Variants in CNTNAP2 observed in about 807,000 individuals in gnomAD.
CNTNAP2 encodes the protein contactin-associated protein-like 2.
CNTNAP2 carries 98 observed loss-of-function variants against 155.2 expected under a neutral mutation model. The observed-to-expected ratio is 0.63, with a 90% CI of 0.54 to 0.75. The LOEUF (loss-of-function observed/expected upper bound fraction) is 0.75. Ranked by LOEUF, CNTNAP2 falls within the 30% of genes least tolerant of loss-of-function variation. The probability of loss-of-function intolerance (pLI) is 0.00; values close to 1 mark genes in which losing one functional copy is unlikely to be tolerated. For missense variants in CNTNAP2, 1,727 were observed against 1,688.1 expected (o/e 1.02, Z -0.40); for synonymous variants, 651 against 631.2 (o/e 1.03, Z -0.47).
intron 1 of CNTNAP2, among the ~76,000 whole-genome samples, chr7:146,518,502 A>G (rs1797572562): frequency 6.6e-6 from 1 of 151,824 alleles, no homozygotes; most frequent in Admixed American, 6.6e-5. Flanking sequence ...ATCCTGAGTC[A>G]CCTAAATCTT....
At position 148,249,448 on chromosome 7, in the gene CNTNAP2, C is replaced by T. The variant is rs541907135; in HGVS notation, c.3382-17585C>T. Among the ~76,000 whole-genome samples, 276 of 152,312 alleles carry T rather than the reference C, an allele frequency of 1.8e-3. 1 individual carries two copies. The highest frequency in any genetic ancestry group is 1.7e-3 in the Non-Finnish European group (114 of 68,034). ...AGTGCTTTACCATTTGTATTCACTC[C>T]TGTGATGATCTCATCCAATGTCGTG... On this transcript the variant is annotated intron_variant, in intron 20 of 23. Coordinates refer to ENST00000361727, the MANE Select transcript of CNTNAP2 (RefSeq NM_014141.6).
chr7:148,272,997 C>T (rs182725341), intron 21 of CNTNAP2, among the ~76,000 whole-genome samples: 87 of 152,320 alleles, frequency 5.7e-4, no homozygotes, highest in African/African-American at 2.0e-3. Flanking sequence ...CTCAGCAAGA[C>T]TGACATGGAC....
intron 1 of CNTNAP2, among the ~76,000 whole-genome samples, chr7:146,450,274 T>G (rs888264311): frequency 6.6e-6 from 1 of 152,192 alleles, no homozygotes; most frequent in Non-Finnish European, 1.5e-5. Flanking sequence ...TTATAGCAGT[T>G]TCAGTTATCT....
chr7:148,178,619 T>G (rs755266047), intron 18 of CNTNAP2, among the ~76,000 whole-genome samples: 23 of 152,220 alleles, frequency 1.5e-4, no homozygotes, highest in African/African-American at 4.8e-4. Context: ...GAATTAGATG[T>G]CAGTTTGAAT....
At chr7:147,492,732 G>A (rs557498492) in intron 11 of CNTNAP2, among the ~76,000 whole-genome samples, 99 of 152,234 alleles carry the variant, frequency 6.5e-4, no homozygotes, top group African/African-American at 2.2e-3. Context: ...CACGCTTGCT[G>A]CATTAAGTGT....
At chr7:146,994,014 T>C (rs1268756824) in intron 3 of CNTNAP2, among the ~76,000 whole-genome samples, 2 of 152,180 alleles carry the variant, frequency 1.3e-5, no homozygotes, top group African/African-American at 2.4e-5. Flanking sequence ...TTTCTATTGC[T>C]AATCAGGAGT....
In CNTNAP2 at chr7:147,121,197, G is replaced by A. The variant is rs752851350; in HGVS notation, c.939+34G>A. ...GATGACGTAGAAATTGTAATAAAATGTCAAGCAATTGTGTCACTCTCCTAC... is the reference window on the plus strand; with the variant it reads ...GATGACGTAGAAATTGTAATAAAATATCAAGCAATTGTGTCACTCTCCTAC... On this transcript the variant is annotated intron_variant, in intron 6 of 23. Transcript: ENST00000361727. The A allele has an allele frequency of 1.1e-5, 17 of 1,601,246 alleles. No homozygotes were observed. The Admixed American group carries it at 2.8e-4, about 27-fold the overall frequency.
chr7:146,418,084 T>G (rs1795962543), intron 1 of CNTNAP2, among the ~76,000 whole-genome samples: 1 of 152,198 alleles, frequency 6.6e-6, no homozygotes, highest in Non-Finnish European at 1.5e-5. Context: ...GGTCCCATTT[T>G]TCACTGTCAT....
chr7:148,227,985 G>A (rs575069230), intron 19 of CNTNAP2, among the ~76,000 whole-genome samples: 135 of 151,722 alleles, frequency 8.9e-4, no homozygotes, highest in African/African-American at 3.0e-3. Context: ...TTATCTTTGG[G>A]TGGTGGGATT....
chr7:146,215,432 T>G (rs1799097819), intron 1 of CNTNAP2, among the ~76,000 whole-genome samples: 1 of 152,148 alleles, frequency 6.6e-6, no homozygotes, highest in Admixed American at 6.6e-5. Context: ...TTATCAGGGT[T>G]AGCTCAAGGA....
In CNTNAP2 at chr7:148,217,513, T is replaced by C; in HGVS notation, c.3236T>C (p.Val1079Ala). 6.2e-7 allele frequency: 1 copy of C among 1,614,196 alleles called. No individual in the cohort carries two copies. The change falls in exon 19 of 24, where the codon GTC becomes GCC. Residue 1079 changes from valine to alanine, a missense_variant. Transcript: ENST00000361727. ...ACCACAGACTTCTTGGCAGTCCTCG[T>C]CAAACCCACTGGTAAGGACAAGGAT... The part of the protein sequence containing the change: ...SFTTDFLAVL[V>A]KPTGSLQIRY...
At chr7:147,191,421 G>C (rs890733770) in intron 8 of CNTNAP2, among the ~76,000 whole-genome samples, 1 of 152,162 alleles carries the variant, frequency 6.6e-6, no homozygotes, top group Non-Finnish European at 1.5e-5. Context: ...AAAACGCAAA[G>C]TTCATGGGCT....
At chr7:147,775,727 TCA>T (rs1797574431) in intron 13 of CNTNAP2, among the ~76,000 whole-genome samples, 2 of 151,932 alleles carry the variant, frequency 1.3e-5, no homozygotes, top group African/African-American at 4.8e-5. Flanking sequence ...AGTGTGCAAA[TCA>T]CAGAGATCTC....
At chr7:147,040,938 C>G (rs567389879) in intron 3 of CNTNAP2, among the ~76,000 whole-genome samples, 1 of 152,252 alleles carries the variant, frequency 6.6e-6, no homozygotes, top group South Asian at 2.1e-4. Context: ...ATCTTCTACT[C>G]CCTTCTTTCA....
intron 13 of CNTNAP2, among the ~76,000 whole-genome samples, chr7:147,891,716 T>C (rs1037240588): frequency 2.0e-5 from 3 of 152,030 alleles, no homozygotes; most frequent in African/African-American, 7.2e-5. Context: ...TATAAACTTA[T>C]AGAAATGGAT....
At chr7:148,172,518 T>C in intron 18 of CNTNAP2, 40 bp downstream of exon 18, 1 of 1,518,480 alleles carries the variant, frequency 6.6e-7, no homozygotes, top group Non-Finnish European at 9.1e-7. Context: ...TTTGCGTGTC[T>C]TTTTAAGCCC....
chr7:147,314,025 A>G (rs1013514506), intron 9 of CNTNAP2, among the ~76,000 whole-genome samples: 6 of 152,110 alleles, frequency 3.9e-5, no homozygotes, highest in Admixed American at 3.3e-4. Flanking sequence ...GTTTGAAGCA[A>G]TTGTGAATGG....
At chr7:147,874,652 G>A (rs191433356) in intron 13 of CNTNAP2, among the ~76,000 whole-genome samples, 106 of 152,340 alleles carry the variant, frequency 7.0e-4, no homozygotes, top group Non-Finnish European at 1.3e-3. Flanking sequence ...CATTTTCCCT[G>A]TTGTCTTGGT....
intron 13 of CNTNAP2, among the ~76,000 whole-genome samples, chr7:147,842,227 A>T (rs547370586): frequency 2.0e-5 from 3 of 152,366 alleles, no homozygotes; most frequent in African/African-American, 7.2e-5. Context: ...CATAGGTAGT[A>T]AGTAACAACT....
Sources: allele counts gnomAD v4.1 joint callset (sites outside exome capture counted in the v4.1 genomes callset), GRCh38; gene constraint gnomAD v4.1.1; transcripts MANE v1.5; gene names NCBI Gene and HGNC (gene_info 2026-07-23, HGNC 2026-07-21).